Variants in YPEL1 observed in about 807,000 individuals in gnomAD.
The protein encoded by YPEL1 is protein yippee-like 1.
Under a neutral mutation model 17.3 loss-of-function variants are expected in YPEL1, and 7 were observed. The observed-to-expected ratio is 0.40, with a 90% CI of 0.23 to 0.76. The LOEUF (loss-of-function observed/expected upper bound fraction) is 0.76. YPEL1 is among the 30% of genes least tolerant of loss of function. The probability of loss-of-function intolerance (pLI) is 0.35; values close to 1 mark genes in which losing one functional copy is unlikely to be tolerated. For synonymous variants in YPEL1, 59 were observed against 59.6 expected, an observed-to-expected ratio of 0.99 and a Z score of 0.05; for missense variants, 91 against 155.5, an observed-to-expected ratio of 0.59 and a Z score of 2.21.
chr22:21,701,436 G>A (rs1424253668), intron 4 of YPEL1, among the ~76,000 whole-genome samples: 2 of 152,124 alleles, frequency 1.3e-5, no homozygotes, highest in Non-Finnish European at 2.9e-5. Flanking sequence ...TTTTTCATGT[G>A]CTCGCTTCGG....
chr22:21,710,524 G>A, intron 2 of YPEL1, 104 bp downstream of exon 2: 1 of 1,002,862 alleles, frequency 1.0e-6, no homozygotes, highest in South Asian at 1.3e-5. Flanking sequence ...TCAGGACACA[G>A]CAGACTCAGG....
intron 2 of YPEL1, among the ~76,000 whole-genome samples, chr22:21,707,985 C>T (rs1040422969): frequency 6.6e-6 from 1 of 152,208 alleles, no homozygotes; most frequent in Non-Finnish European, 1.5e-5. Context: ...GTAACCAGAG[C>T]TGCCTACAGC....
chr22:21,705,242 G>A (rs141632949), intron 2 of YPEL1, among the ~76,000 whole-genome samples: 151 of 152,312 alleles, frequency 9.9e-4, no homozygotes, highest in African/African-American at 3.4e-3. Flanking sequence ...GCCTCCCCAA[G>A]TGACGGGATT....
At position 21,700,998 on chromosome 22, in the gene YPEL1, CAA is replaced by C. The variant is rs2068059811; in HGVS notation, c.*129_*130del. 2.8e-6 allele frequency: 2 copies of C among 718,624 alleles called. No homozygotes were observed. The highest frequency in any genetic ancestry group is 2.7e-5 in the East Asian group (1 of 37,730). The allele number at this position is 718,624 out of a possible 1,614,324, so 44.5% of individuals were successfully genotyped here. Reference sequence around the variant, plus strand: ...TACCCACAGAGATGGCCGAGAGTGTCAAGAGCTATGCGCAGCTAGCCTTTGAG... The same window carrying C: ...TACCCACAGAGATGGCCGAGAGTGTCGAGCTATGCGCAGCTAGCCTTTGAG... On this transcript the variant is annotated 3_prime_UTR_variant, in exon 5 of 5. Coordinates refer to ENST00000339468, the MANE Select transcript of YPEL1 (RefSeq NM_013313.5).
At chr22:21,702,527 C>T (rs969127835) in intron 4 of YPEL1, among the ~76,000 whole-genome samples, 6 of 152,094 alleles carry the variant, frequency 3.9e-5, no homozygotes, top group African/African-American at 9.7e-5. Flanking sequence ...GCAGGCCGGG[C>T]GCGGTGGCTC....
At chr22:21,727,647 TTCTA>T (rs2068347997) in intron 1 of YPEL1, among the ~76,000 whole-genome samples, 1 of 152,224 alleles carries the variant, frequency 6.6e-6, no homozygotes, top group Non-Finnish European at 1.5e-5. Flanking sequence ...GGTAGCACAC[TTCTA>T]AAGACAAACA....
At chr22:21,704,017 C>G in intron 2 of YPEL1, 135 bp from the exon 3 acceptor site, 1 of 959,196 alleles carries the variant, frequency 1.0e-6, no homozygotes, top group Admixed American at 2.0e-5. Flanking sequence ...ACACCGGCGT[C>G]CCCCCTCCAG....
chr22:21,703,531 G>C lies in YPEL1; in HGVS notation c.162-53C>G, dbSNP rs2068085859. On this transcript the variant is annotated intron_variant, in intron 3 of 4. Transcript: ENST00000339468. The surrounding 1 kb of genome is among the most constrained non-coding windows in gnomAD (Gnocchi z 6.1). ...GCAGGCCCGGCCCGCCCCTGACCAGGCCCTGCCCCCTCAGCGGGCCCCACC... is the reference window on the plus strand; with the variant it reads ...GCAGGCCCGGCCCGCCCCTGACCAGCCCCTGCCCCCTCAGCGGGCCCCACC... 1 of 1,511,062 alleles carries C rather than the reference G, an allele frequency of 6.6e-7. No homozygotes were observed. The highest frequency in any genetic ancestry group is 1.7e-5 in the Admixed American group (1 of 59,130). The allele number at this position is 1,511,062 out of a possible 1,614,324, so 93.6% of individuals were successfully genotyped here. A position where few individuals can be genotyped will look rare whatever the true frequency, so the allele number is the denominator to read the frequency against.
intron 1 of YPEL1, among the ~76,000 whole-genome samples, chr22:21,725,837 A>G (rs2068330846): frequency 4.9e-4 from 1 of 2,052 alleles, no homozygotes; most frequent in African/African-American, 0.016. Flanking sequence ...TACCAAAGGA[A>G]AAAAAAAAAA....
intron 4 of YPEL1, 70 bp from the exon 5 acceptor site, chr22:21,701,288 A>G (rs1478439750): frequency 5.8e-6 from 7 of 1,200,928 alleles, no homozygotes; most frequent in African/African-American, 3.0e-5. Flanking sequence ...TCTTTTGGCA[A>G]AAACCCCCCC....
intron 2 of YPEL1, among the ~76,000 whole-genome samples, chr22:21,704,782 C>T (rs1036279926): frequency 1.1e-4 from 17 of 152,052 alleles, no homozygotes; most frequent in Non-Finnish European, 2.2e-4. Flanking sequence ...GGTATATTCA[C>T]GTATGCTAAG....
intron 2 of YPEL1, among the ~76,000 whole-genome samples, chr22:21,706,585 G>A (rs1409020801): frequency 6.6e-6 from 1 of 151,996 alleles, no homozygotes; most frequent in African/African-American, 2.4e-5. Context: ...AGGCACCATG[G>A]CTGTAATCCC....
intron 1 of YPEL1, among the ~76,000 whole-genome samples, chr22:21,713,178 G>A (rs2068187747): frequency 6.6e-6 from 1 of 152,132 alleles, no homozygotes; most frequent in Admixed American, 6.6e-5. Flanking sequence ...GTAAAATGCT[G>A]GAGGCACTAT....
intron 2 of YPEL1, among the ~76,000 whole-genome samples, chr22:21,705,429 A>G (rs1203342665): frequency 6.6e-6 from 1 of 152,252 alleles, no homozygotes; most frequent in African/African-American, 2.4e-5. Flanking sequence ...TTCATTGGAA[A>G]GAAAACAGGA....
At chr22:21,735,402 T>C (rs1392121145) in intron 1 of YPEL1, among the ~76,000 whole-genome samples, 1 of 152,018 alleles carries the variant, frequency 6.6e-6, no homozygotes, top group Non-Finnish European at 1.5e-5. Flanking sequence ...AATCAAAGAT[T>C]AGGCGTTGTT....
At chr22:21,719,825 A>C (rs1407015046) in intron 1 of YPEL1, among the ~76,000 whole-genome samples, 2 of 152,082 alleles carry the variant, frequency 1.3e-5, no homozygotes, top group East Asian at 3.9e-4. Context: ...CAGGAGTTCA[A>C]GACCAGCCTG....
At chr22:21,714,792 G>A (rs2068205158) in intron 1 of YPEL1, among the ~76,000 whole-genome samples, 1 of 149,550 alleles carries the variant, frequency 6.7e-6, no homozygotes. Flanking sequence ...TCTGCTGCCT[G>A]GCAGGTATAA....
intron 1 of YPEL1, among the ~76,000 whole-genome samples, chr22:21,717,301 G>A (rs1313689649): frequency 3.3e-5 from 5 of 151,658 alleles, no homozygotes; most frequent in African/African-American, 7.3e-5. Flanking sequence ...GCTTGAACCC[G>A]GGAGGCGGAG....
At position 21,703,706 on chromosome 22, in the gene YPEL1, C is replaced by A. The variant is rs1479507811; in HGVS notation, c.161+133G>T. 9 of 731,352 alleles carry A rather than the reference C, an allele frequency of 1.2e-5. No individual in the cohort carries two copies. The East Asian group carries it at 2.5e-4, about 21-fold the overall frequency. The allele number at this position is 731,352 out of a possible 1,614,324, so 45.3% of individuals were successfully genotyped here. On this transcript the variant is annotated intron_variant, in intron 3 of 4. Coordinates refer to ENST00000339468, the MANE Select transcript of YPEL1 (RefSeq NM_013313.5). This position sits in a 1 kb window ranked among gnomAD's most constrained non-coding sequence, Gnocchi z 6.1. ...AGATCCTTAGCGCGTTTCAGAAACTCCCGGCGGGGGGATGGTGGGTTCTTT... is the reference window on the plus strand; with the variant it reads ...AGATCCTTAGCGCGTTTCAGAAACTACCGGCGGGGGGATGGTGGGTTCTTT...
Sources: allele counts gnomAD v4.1 joint callset (sites outside exome capture counted in the v4.1 genomes callset), GRCh38; gene constraint gnomAD v4.1.1; non-coding constraint Gnocchi (gnomAD v3.1); transcripts MANE v1.5; gene names NCBI Gene and HGNC (gene_info 2026-07-23, HGNC 2026-07-21).